IL16: variants seen among roughly 807,000 people sequenced by gnomAD.
IL16 encodes interleukin 16.
IL16 carries 67 observed loss-of-function variants against 110.1 expected under a neutral mutation model. That is an observed-to-expected ratio of 0.61 (90% CI 0.50 to 0.75). The LOEUF (loss-of-function observed/expected upper bound fraction) is 0.75. Among genes scored for constraint, IL16 ranks in the 30% least tolerant of loss-of-function variants. The pLI, the probability that IL16 is intolerant of heterozygous loss-of-function variation, is 0.00. For missense variants in IL16, 1,545 were observed against 1,655.0 expected, an observed-to-expected ratio of 0.93 and a Z score of 1.15; for synonymous variants, 689 against 662.9, an observed-to-expected ratio of 1.04 and a Z score of -0.61.
chr15:81,226,115 G>A (rs1401717885), intron 2 of IL16, among the ~76,000 whole-genome samples: 1 of 152,204 alleles, frequency 6.6e-6, no homozygotes, highest in African/African-American at 2.4e-5. Flanking sequence ...CAGAGAAGGA[G>A]GCCTTATGGC....
intron 4 of IL16, among the ~76,000 whole-genome samples, chr15:81,266,666 C>A (rs1026691843): frequency 2.0e-5 from 3 of 152,172 alleles, no homozygotes; most frequent in African/African-American, 4.8e-5. Context: ...ACTGCCCCAG[C>A]CTTCAAAAAC....
rs1479769536 is a variant in IL16, at chr15:81,285,187, GCTCTCCTGTTGAGTTATTTTTT to G, written c.1200-506_1200-485del. Among the ~76,000 whole-genome samples the G allele has an allele frequency of 3.3e-5, 5 of 151,678 alleles. No homozygotes were observed. In the East Asian group the frequency reaches 9.7e-4, roughly 29 times the overall value. ...ATTTCTTTTTGCAAGAATCTCAACT[GCTCTCCTGTTGAGTTATTTTTT>G]CTCTGCCTTTTAGCACATGTAGGAT... On this transcript the variant is annotated intron_variant, in intron 9 of 18. Coordinates refer to ENST00000683961, the MANE Select transcript of IL16 (RefSeq NM_172217.5).
chr15:81,213,573 T>C (rs1316118774), intron 1 of IL16, among the ~76,000 whole-genome samples: 3 of 152,342 alleles, frequency 2.0e-5, no homozygotes, highest in South Asian at 2.1e-4. Flanking sequence ...GGTGCTCCAA[T>C]GTTGGGTGCA....
Position 81,293,036 on chromosome 15 carries a change from A to G in IL16, c.1901A>G (p.Gln634Arg). Residue 634 changes from glutamine to arginine, a missense_variant and splice_region_variant, in exon 12 of 19, where the codon CAG (glutamine) becomes CGG (arginine). Coordinates refer to ENST00000683961, the MANE Select transcript of IL16 (RefSeq NM_172217.5). ...SSGHTPPTCGQEARELLPLLL... is the reference protein window; with the variant it reads ...SSGHTPPTCGREARELLPLLL... ...GGGCACACCCCACCCACCTGTGGCC[A>G]GGTAAGAGGATGGGTCCACAGGTTG... 1 of 1,602,638 alleles carries G rather than the reference A, an allele frequency of 6.2e-7. No individual in the cohort carries two copies. Among genetic ancestry groups the G allele is most frequent in the Non-Finnish European group, 8.5e-7 (1 of 1,177,544 alleles).
Position 81,308,928 on chromosome 15 carries a change from C to A in IL16, c.*130C>A. On this transcript the variant is annotated 3_prime_UTR_variant, in exon 19 of 19. Transcript: ENST00000683961. ...GCACAGGTGGGCTTCCCAGTGGCTG[C>A]TGCCCAGGCCCAGACCTTCTAGGAC... is the stretch of plus-strand genomic sequence containing the variant. 1 of 762,100 alleles carries A rather than the reference C, an allele frequency of 1.3e-6. No individual in the cohort carries two copies. The highest frequency in any genetic ancestry group is 2.1e-6 in the Non-Finnish European group (1 of 480,648). The allele number at this position is 762,100 out of a possible 1,614,324, so 47.2% of individuals were successfully genotyped here.
In IL16 at chr15:81,248,136, C is replaced by A. The variant is rs143294680; in HGVS notation, c.313-11636C>A. On this transcript the variant is annotated intron_variant, in intron 2 of 18. Coordinates refer to ENST00000683961, the MANE Select transcript of IL16 (RefSeq NM_172217.5). ...GTTATATATTCTTTATGATTGAAAG[C>A]AGTTATAATTTATATCCTGAGTTTA... 3.9e-5 allele frequency among the ~76,000 whole-genome samples: 6 copies of A among 152,258 alleles called. No homozygotes were observed. The East Asian group carries it at 9.6e-4, about 24-fold the overall frequency.
At chr15:81,244,492 C>T (rs1332381125) in intron 2 of IL16, among the ~76,000 whole-genome samples, 1 of 151,998 alleles carries the variant, frequency 6.6e-6, no homozygotes, top group Non-Finnish European at 1.5e-5. Flanking sequence ...CAATTTTTTT[C>T]TTCCATTACT....
chr15:81,234,689 G>T (rs996486686), intron 2 of IL16, among the ~76,000 whole-genome samples: 2 of 151,758 alleles, frequency 1.3e-5, no homozygotes, highest in Non-Finnish European at 1.5e-5. Context: ...ATTCCTTCCT[G>T]CATTTATGTG....
In IL16 at chr15:81,311,606, GC is replaced by G. The variant is rs1008700613; in HGVS notation, c.*2809del. ...ACTTGGCTACACAGGGATGTACAAG[GC>G]GATCCCATCTTGATAAGACCACCAC... is the stretch of plus-strand genomic sequence containing the variant. On this transcript the variant is annotated 3_prime_UTR_variant, in exon 19 of 19. Coordinates refer to ENST00000683961, the MANE Select transcript of IL16 (RefSeq NM_172217.5). 19 of 152,218 alleles carry G rather than the reference GC, an allele frequency of 1.2e-4. No individual in the cohort carries two copies. The highest frequency in any genetic ancestry group is 4.6e-4 in the African/African-American group (19 of 41,442). The allele number at this position is 152,218 out of a possible 1,614,324, so 9.4% of individuals were successfully genotyped here.
At chr15:81,258,656 C>A (rs11630877) in intron 2 of IL16, among the ~76,000 whole-genome samples, 35,939 of 152,044 alleles carry the variant, frequency 0.24, 4,915 homozygotes, top group African/African-American at 0.37. Context: ...GCCGAGATCA[C>A]ACCACTGTAC....
At chr15:81,275,299 A>G (rs1318413471) in intron 6 of IL16, among the ~76,000 whole-genome samples, 1 of 143,466 alleles carries the variant, frequency 7.0e-6, no homozygotes, top group Non-Finnish European at 1.5e-5. Context: ...GAATGCAGAC[A>G]TTTGGGGAGC....
In IL16 at chr15:81,288,916, C is replaced by T. The variant is rs566677698; in HGVS notation, c.1333-1537C>T. On this transcript the variant is annotated intron_variant, in intron 10 of 18. Transcript: ENST00000683961. ...TACTTGGGTTGTTTCCACCTTTTGA[C>T]TATTGTGAATAATGCTACAATGAAC... Among the ~76,000 whole-genome samples, 49 of 152,084 alleles carry T rather than the reference C, an allele frequency of 3.2e-4. No homozygotes were observed. The South Asian group carries it at 9.8e-3, about 30-fold the overall frequency.
At chr15:81,261,542 G>T (rs1898157537) in intron 3 of IL16, among the ~76,000 whole-genome samples, 2 of 152,182 alleles carry the variant, frequency 1.3e-5, no homozygotes, top group Non-Finnish European at 2.9e-5. Flanking sequence ...TTGTGTTAGG[G>T]TGGCCTGTCG....
intron 2 of IL16, among the ~76,000 whole-genome samples, chr15:81,243,538 C>A (rs1897426510): frequency 1.3e-5 from 2 of 151,718 alleles, no homozygotes; most frequent in Admixed American, 1.3e-4. Context: ...TTTTGTAAAT[C>A]TTTGTCTGGT....
At chr15:81,191,545 T>C (rs143682217) in intron 1 of IL16, among the ~76,000 whole-genome samples, 34 of 152,344 alleles carry the variant, frequency 2.2e-4, no homozygotes, top group African/African-American at 7.7e-4. Context: ...ATGAGGTCCC[T>C]GTGTGGGACC....
chr15:81,267,950 C>T (rs1411645779), intron 4 of IL16, among the ~76,000 whole-genome samples: 1 of 152,168 alleles, frequency 6.6e-6, no homozygotes. Flanking sequence ...TAATGGTTGA[C>T]TAAATATATG....
intron 1 of IL16, among the ~76,000 whole-genome samples, chr15:81,183,671 T>C (rs1895377826): frequency 6.6e-6 from 1 of 152,218 alleles, no homozygotes; most frequent in African/African-American, 2.4e-5. Context: ...AAGATATGGC[T>C]AGAACCCTGG....
chr15:81,281,811 T>A (rs1268004667), intron 8 of IL16, among the ~76,000 whole-genome samples: 1 of 152,250 alleles, frequency 6.6e-6, no homozygotes, highest in Non-Finnish European at 1.5e-5. Context: ...TCAAAATATC[T>A]TCCATGGGCA....
intron 10 of IL16, among the ~76,000 whole-genome samples, chr15:81,286,321 G>T (rs1899448744): frequency 6.6e-6 from 1 of 152,162 alleles, no homozygotes; most frequent in African/African-American, 2.4e-5. Flanking sequence ...GGTTGATAAA[G>T]TAAAAAAATA....
Sources: allele counts gnomAD v4.1 joint callset (sites outside exome capture counted in the v4.1 genomes callset), GRCh38; gene constraint gnomAD v4.1.1; transcripts MANE v1.5; gene names NCBI Gene and HGNC (gene_info 2026-07-23, HGNC 2026-07-21).